ACBD5: variants seen among roughly 807,000 people sequenced by gnomAD.
ACBD5 encodes the protein acyl-CoA binding domain containing 5.
Under a neutral mutation model 71.8 loss-of-function variants are expected in ACBD5, and 40 were observed. The ratio of observed to expected loss-of-function variants is 0.56; its 90% CI spans 0.43 to 0.72. ACBD5 has a LOEUF of 0.72. ACBD5 is among the 30% of genes least tolerant of loss of function. The pLI is 0.00. For synonymous variants in ACBD5, 229 were observed against 218.6 expected, an observed-to-expected ratio of 1.05 and a Z score of -0.42; for missense variants, 559 against 644.5, an observed-to-expected ratio of 0.87 and a Z score of 1.44.
intron 4 of ACBD5, among the ~76,000 whole-genome samples, chr10:27,231,312 T>G (rs1330636172): frequency 6.6e-6 from 1 of 152,054 alleles, no homozygotes; most frequent in Non-Finnish European, 1.5e-5. Context: ...AGGTCAGAAG[T>G]TCAAGACCAG....
chr10:27,202,331 A>G (rs1040348847), intron 12 of ACBD5, among the ~76,000 whole-genome samples: 1 of 152,230 alleles, frequency 6.6e-6, no homozygotes, highest in Non-Finnish European at 1.5e-5. Flanking sequence ...GAAGTTGCAC[A>G]GTGCTACAGA....
At position 27,230,913 on chromosome 10, in the gene ACBD5, C is replaced by T. The variant is rs150966989; in HGVS notation, c.375+835G>A. 2.0e-4 allele frequency among the ~76,000 whole-genome samples: 31 copies of T among 151,988 alleles called. No homozygotes were observed. The East Asian group carries it at 5.2e-3, about 26-fold the overall frequency. On this transcript the variant is annotated intron_variant, in intron 4 of 12. Coordinates refer to ENST00000396271, the MANE Select transcript of ACBD5 (RefSeq NM_145698.5). ...AAAAGAGCTAGTTAATAATGAATGC[C>T]CCTTCCTTACTAGTTAGCAGAGAAC...
chr10:27,205,226 AATGTTG>A lies in ACBD5; in HGVS notation c.1421_1426del (p.Ser474_Thr475del). The A allele has an allele frequency of 6.2e-7, 1 of 1,613,394 alleles. No individual in the cohort carries two copies. The highest frequency in any genetic ancestry group is 8.5e-7 in the Non-Finnish European group (1 of 1,179,742). ...TGAGGTGGGCTGAGGAGCAGTCTGCAATGTTGATGTTGATGATTTTGCCTGTAAATG... is the reference window on the plus strand; with the variant it reads ...TGAGGTGGGCTGAGGAGCAGTCTGCAATGTTGATGATTTTGCCTGTAAATG... On this transcript the variant is annotated inframe_deletion, in exon 11 of 13. Transcript: ENST00000396271.
chr10:27,194,675 T>A (rs1020433206), downstream of ACBD5, among the ~76,000 whole-genome samples: 3 of 150,596 alleles, frequency 2.0e-5, no homozygotes, highest in Non-Finnish European at 4.4e-5. Flanking sequence ...GTTCATTGTG[T>A]GGCTGTGGGA....
intron 11 of ACBD5, 152 bp from the exon 12 acceptor site, chr10:27,204,701 G>A (rs923278137): frequency 4.4e-6 from 3 of 675,164 alleles, no homozygotes; most frequent in African/African-American, 3.6e-5. Context: ...GCATTTCAGA[G>A]TATAATTCAG....
At chr10:27,215,502 G>T in intron 8 of ACBD5, 33 bp downstream of exon 8, 1 of 1,478,608 alleles carries the variant, frequency 6.8e-7, no homozygotes, top group Non-Finnish European at 9.4e-7. Context: ...ACACCACTTT[G>T]AAAATACACC....
intron 8 of ACBD5, 25 bp downstream of exon 8, chr10:27,215,510 A>G: frequency 1.3e-6 from 2 of 1,514,308 alleles, no homozygotes; most frequent in Non-Finnish European, 1.8e-6. Flanking sequence ...TTGAAAATAC[A>G]CCAATCAGAA....
chr10:27,190,223 T>C (rs2059023140), downstream of ACBD5, among the ~76,000 whole-genome samples: 1 of 152,098 alleles, frequency 6.6e-6, no homozygotes, highest in South Asian at 2.1e-4. Flanking sequence ...AGGTGGAGGT[T>C]ACAGTGAGCC....
chr10:27,210,845 A>C lies in ACBD5; in HGVS notation c.1173T>G (p.Thr391=). The change falls in exon 9 of 13, where the codon ACT becomes ACG. Residue 391 remains threonine, a synonymous_variant. Coordinates refer to ENST00000396271, the MANE Select transcript of ACBD5 (RefSeq NM_145698.5). ...CTCTTCTAACATTAGAGAATTCGTC[A>C]GTTTCTCCGCCTCGCTTCTCCCGGT... The part of the protein sequence containing the change: ...APHREKRGGE[T]DEFSNVRRGR... The C allele has an allele frequency of 6.2e-7, 1 of 1,614,202 alleles. No individual in the cohort carries two copies. Among genetic ancestry groups the C allele is most frequent in the Non-Finnish European group, 8.5e-7 (1 of 1,180,032 alleles).
chr10:27,224,876 C>CA (rs1367550766), intron 4 of ACBD5, among the ~76,000 whole-genome samples: 4 of 151,836 alleles, frequency 2.6e-5, no homozygotes, highest in Admixed American at 1.3e-4. Context: ...ACTAAAAATA[C>CA]AAATATTAGC....
chr10:27,184,749 C>G (rs963190022), intron 13 of ACBD5, among the ~76,000 whole-genome samples: 15 of 151,366 alleles, frequency 9.9e-5, no homozygotes, highest in Non-Finnish European at 2.2e-4. Flanking sequence ...TTAGTAGAGA[C>G]GGGGTTTCAC....
intron 5 of ACBD5, among the ~76,000 whole-genome samples, chr10:27,222,927 G>A (rs1215890340): frequency 2.6e-5 from 4 of 152,068 alleles, no homozygotes; most frequent in African/African-American, 7.2e-5. Flanking sequence ...TACTATTAAC[G>A]TAATTCTCAA....
intron 13 of ACBD5, among the ~76,000 whole-genome samples, chr10:27,188,439 A>C (rs1257517639): frequency 6.6e-6 from 1 of 152,222 alleles, no homozygotes; most frequent in African/African-American, 2.4e-5. Context: ...TTGATGACTC[A>C]CTGTATAGTG....
rs769479406 is a variant in ACBD5 at position 27,195,623 on chromosome 10, T to A, written c.*1807A>T. On this transcript the variant is annotated 3_prime_UTR_variant, in exon 13 of 13. Coordinates refer to ENST00000396271, the MANE Select transcript of ACBD5 (RefSeq NM_145698.5). ...TGTTATTTTTACATATAAATTCAGT[T>A]GCTTGCTTCACTTTTTCCTAAATAA... The A allele has an allele frequency of 2.4e-6, 1 of 424,816 alleles. No individual in the cohort carries two copies. The highest frequency in any genetic ancestry group is 1.7e-5 in the South Asian group (1 of 57,948). 26.3% of individuals were successfully genotyped at this position (424,816 alleles called of 1,614,324 possible). A position where few individuals can be genotyped will look rare whatever the true frequency, so the allele number is the denominator to read the frequency against.
At chr10:27,221,430 G>T (rs1303239448) in intron 5 of ACBD5, among the ~76,000 whole-genome samples, 1 of 152,106 alleles carries the variant, frequency 6.6e-6, no homozygotes. Context: ...GGTCTTCAAA[G>T]ATTTTTAAAA....
At chr10:27,241,328 C>A (rs137988193), upstream of ACBD5, among the ~76,000 whole-genome samples, 15 of 152,304 alleles carry the variant, frequency 9.8e-5, no homozygotes, top group African/African-American at 3.6e-4. Context: ...AATCGTGACA[C>A]CCACTCTAAA....
At chr10:27,221,689 G>A (rs1174263965) in intron 5 of ACBD5, among the ~76,000 whole-genome samples, 1 of 151,852 alleles carries the variant, frequency 6.6e-6, no homozygotes, top group Non-Finnish European at 1.5e-5. Flanking sequence ...TGAGTTGGGA[G>A]GATTACCTGA....
At chr10:27,220,215 T>C (rs2062166247) in intron 5 of ACBD5, among the ~76,000 whole-genome samples, 2 of 152,198 alleles carry the variant, frequency 1.3e-5, no homozygotes, top group South Asian at 2.1e-4. Flanking sequence ...ATGTTTTTGG[T>C]TCTACCAACA....
rs774442275 is a variant in ACBD5, at chr10:27,215,611, G to A, written c.860C>T (p.Thr287Ile). 6.2e-7 allele frequency: 1 copy of A among 1,612,880 alleles called. No individual in the cohort carries two copies. The highest frequency in any genetic ancestry group is 8.5e-7 in the Non-Finnish European group (1 of 1,179,210). Reference protein sequence around the residue: ...DINDDHVEDVTGIQHLTSDSD... With the variant: ...DINDDHVEDVIGIQHLTSDSD... ...ATCGCTTGTCAAATGCTGAATTCCTGTAACATCTTCAACATGATCATCATT... is the reference window on the plus strand; with the variant it reads ...ATCGCTTGTCAAATGCTGAATTCCTATAACATCTTCAACATGATCATCATT... Residue 287 changes from threonine (T) to isoleucine (I), a missense_variant, in exon 8 of 13, where the codon ACA (threonine) becomes ATA (isoleucine). By Grantham distance (89) the Thr-to-Ile change is moderately conservative. Transcript: ENST00000396271.
Sources: gnomAD v4.1 joint callset for allele counts (sites outside exome capture counted in the v4.1 genomes callset) on GRCh38, gnomAD v4.1.1 for gene constraint, MANE v1.5 for transcripts, NCBI Gene and HGNC (gene_info 2026-07-23, HGNC 2026-07-21) for gene names.